CCDC88A: variants seen among roughly 807,000 people sequenced by gnomAD.
The protein encoded by CCDC88A is coiled-coil and HOOK domain protein 88A.
CCDC88A carries 54 observed loss-of-function variants against 234.3 expected under a neutral mutation model. The ratio of observed to expected loss-of-function variants is 0.23; its 90% CI spans 0.19 to 0.29. The LOEUF (loss-of-function observed/expected upper bound fraction) is 0.29, where lower values mean the gene tolerates loss of function less well. CCDC88A is among the 10% of genes least tolerant of loss of function. CCDC88A has a pLI of 1.00. For synonymous variants in CCDC88A, 753 were observed against 737.8 expected (o/e 1.02, Z -0.33); for missense variants, 1,832 against 2,123.4 (o/e 0.86, Z 2.70).
In CCDC88A at chr2:55,399,203, T is replaced by A. The variant is rs1263429701; in HGVS notation, c.165-10317A>T. Among the ~76,000 whole-genome samples the A allele has an allele frequency of 2.6e-5, 4 of 152,066 alleles. No individual in the cohort carries two copies. In the East Asian group the frequency reaches 7.7e-4, roughly 29 times the overall value. ...CCAGAATAGACACATTATCCCTATA[T>A]ATGGGCTAAATAACAGAAGAAATTG... is the stretch of plus-strand genomic sequence containing the variant. On this transcript the variant is annotated intron_variant, in intron 2 of 32. Transcript: ENST00000436346.
chr2:55,333,691 TA>T (rs1209704101), intron 15 of CCDC88A, among the ~76,000 whole-genome samples: 1 of 152,144 alleles, frequency 6.6e-6, no homozygotes, highest in Non-Finnish European at 1.5e-5. Context: ...GGTGTGTGTG[TA>T]TATATTATTT....
chr2:55,374,083 A>G (rs1673227933), intron 4 of CCDC88A, among the ~76,000 whole-genome samples: 4 of 152,214 alleles, frequency 2.6e-5, no homozygotes, highest in Admixed American at 2.0e-4. Context: ...TATAAATTAA[A>G]ACATATCAGA....
intron 2 of CCDC88A, among the ~76,000 whole-genome samples, chr2:55,396,941 C>A (rs1677703489): frequency 6.7e-6 from 1 of 150,286 alleles, no homozygotes; most frequent in African/African-American, 2.4e-5. Flanking sequence ...TCATATATCA[C>A]TGTTTTACTG....
intron 17 of CCDC88A, among the ~76,000 whole-genome samples, chr2:55,324,802 C>T (rs536625537): frequency 2.8e-4 from 42 of 152,176 alleles, no homozygotes; most frequent in African/African-American, 9.4e-4. Flanking sequence ...TGCGCCACCA[C>T]GCCCAGCTAA....
Position 55,309,587 on chromosome 2 carries a change from T to C in CCDC88A, c.4080-333A>G, listed in dbSNP as rs1682063475. Among the ~76,000 whole-genome samples the C allele has an allele frequency of 6.6e-6, 1 of 152,218 alleles. No homozygotes were observed. The highest frequency in any genetic ancestry group is 2.4e-5 in the African/African-American group (1 of 41,454). On this transcript the variant is annotated intron_variant, in intron 23 of 32. Transcript: ENST00000436346. This position sits in a 1 kb window ranked among gnomAD's most constrained non-coding sequence, Gnocchi z 5.1. The stretch of plus-strand genomic sequence containing the variant: ...CATGTTCATGCAAATATTTTTCTTT[T>C]CGGCAGAATTACTTAGGTTTGATTT...
intron 25 of CCDC88A, 67 bp downstream of exon 25, chr2:55,308,742 G>T: frequency 8.3e-7 from 1 of 1,208,422 alleles, no homozygotes. Flanking sequence ...AAGGACTACT[G>T]AAGTTTTAAA....
chr2:55,406,354 C>T (rs566278133), intron 2 of CCDC88A, among the ~76,000 whole-genome samples: 1 of 152,288 alleles, frequency 6.6e-6, no homozygotes, highest in South Asian at 2.1e-4. Context: ...CTATAATTCA[C>T]CCTTTTAAAC....
intron 2 of CCDC88A, among the ~76,000 whole-genome samples, chr2:55,393,435 C>T (rs1677023747): frequency 1.3e-5 from 2 of 151,186 alleles, no homozygotes; most frequent in Non-Finnish European, 2.9e-5. Flanking sequence ...GGACTACAGG[C>T]ACGTGCCACC....
intron 22 of CCDC88A, chr2:55,313,900 G>A (rs1008285417): frequency 1.3e-5 from 2 of 151,998 alleles, no homozygotes; most frequent in African/African-American, 4.8e-5. Context: ...TAACATATGT[G>A]GTAGATTCAT....
In CCDC88A at chr2:55,334,600, A is replaced by C. The variant is rs747340496; in HGVS notation, c.2221T>G (p.Leu741Val). ...ESEKEQLKKG[L>V]ELLKASFKKT... The stretch of plus-strand genomic sequence containing the variant: ...TTGAAAGATGCTTTCAGGAGCTCCA[A>C]ACCCTTCTTAAGTTGCTCTTTTTCA... The change falls in exon 15 of 33, where the codon TTG (leucine) becomes GTG (valine). Residue 741 changes from leucine (L) to valine (V), a missense_variant. This residue lies in a region of CCDC88A where 1,282 missense variants were observed against 1,543.6 expected (regional missense o/e 0.83). Coordinates refer to ENST00000436346, the MANE Select transcript of CCDC88A (RefSeq NM_001365480.1). This position sits in a 1 kb window ranked among gnomAD's most constrained non-coding sequence, Gnocchi z 6.1. The C allele has an allele frequency of 2.5e-6, 4 of 1,613,572 alleles. No homozygotes were observed. Among genetic ancestry groups the C allele is most frequent in the Non-Finnish European group, 3.4e-6 (4 of 1,179,826 alleles).
intron 2 of CCDC88A, among the ~76,000 whole-genome samples, chr2:55,402,469 T>C (rs891991449): frequency 1.3e-5 from 2 of 152,206 alleles, no homozygotes; most frequent in African/African-American, 4.8e-5. Flanking sequence ...TCTTCTTTGA[T>C]ATTACCAAAA....
chr2:55,294,267 G>A (rs764360032), intron 31 of CCDC88A: 269 of 962,978 alleles, frequency 2.8e-4, no homozygotes, highest in Non-Finnish European at 3.1e-4. Context: ...AAGCCATCTT[G>A]AAGAAAAGAC....
chr2:55,345,343 T>C (rs1668968938), intron 10 of CCDC88A: 1 of 152,142 alleles, frequency 6.6e-6, no homozygotes, highest in Admixed American at 6.5e-5. Flanking sequence ...CTGACCAAAA[T>C]CTCCTGTTTA....
chr2:55,368,619 C>A (rs1200654652), intron 5 of CCDC88A, among the ~76,000 whole-genome samples: 4 of 152,054 alleles, frequency 2.6e-5, no homozygotes, highest in Non-Finnish European at 5.9e-5. Flanking sequence ...CCACTGCACC[C>A]AGCCCTATTT....
intron 32 of CCDC88A, chr2:55,291,468 T>TAAAAAA (rs1033731397): frequency 3.0e-6 from 1 of 338,252 alleles, no homozygotes; most frequent in African/African-American, 2.1e-5. Context: ...CAAAAAAACT[T>TAAAAAA]AAAAAAAAAT....
chr2:55,299,793 T>C, intron 29 of CCDC88A, 46 bp downstream of exon 29: 2 of 1,264,370 alleles, frequency 1.6e-6, no homozygotes, highest in Non-Finnish European at 2.3e-6. Flanking sequence ...CACCTTTAAA[T>C]ACTGGAAATG....
chr2:55,396,146 G>A (rs924769594), intron 2 of CCDC88A, among the ~76,000 whole-genome samples: 8 of 151,924 alleles, frequency 5.3e-5, no homozygotes, highest in Admixed American at 3.3e-4. Context: ...TACTGTACTG[G>A]CCACATTACT....
chr2:55,297,751 A>G lies in CCDC88A; in HGVS notation c.4826-1228T>C, dbSNP rs575722169. The stretch of plus-strand genomic sequence containing the variant: ...ATATTATTTCAGTATGTTAAGACCA[A>G]AAACTGTTCTAAATGCAGAAAATTC... On this transcript the variant is annotated intron_variant, in intron 29 of 32. Coordinates refer to ENST00000436346, the MANE Select transcript of CCDC88A (RefSeq NM_001365480.1). Among the ~76,000 whole-genome samples, 139 of 152,134 alleles carry G rather than the reference A, an allele frequency of 9.1e-4. No homozygotes were observed. In the Middle Eastern group the frequency reaches 0.014, roughly 15 times the overall value.
intron 11 of CCDC88A, 189 bp from the exon 12 acceptor site, chr2:55,343,981 T>G (rs1668803253): frequency 2.2e-6 from 1 of 450,522 alleles, no homozygotes; most frequent in Non-Finnish European, 3.8e-6. Context: ...TCTGACATCC[T>G]TTTAAGCTGA....
Sources: allele counts gnomAD v4.1 joint callset (sites outside exome capture counted in the v4.1 genomes callset), GRCh38; gene constraint gnomAD v4.1.1; regional missense constraint gnomAD v4.1.1; non-coding constraint Gnocchi (gnomAD v3.1); transcripts MANE v1.5; gene names NCBI Gene and HGNC (gene_info 2026-07-23, HGNC 2026-07-21).